Variants in IPO9 observed in about 807,000 individuals in gnomAD.
IPO9 encodes the protein importin-9.
In IPO9, 28 loss-of-function variants were observed where a neutral mutation model predicts 128.6. The observed-to-expected ratio is 0.22, with a 90% CI of 0.16 to 0.30. The LOEUF is 0.30. Ranked by LOEUF, IPO9 falls within the 10% of genes least tolerant of loss-of-function variation. IPO9 has a pLI of 1.00. For synonymous variants in IPO9, 455 were observed against 475.8 expected (o/e 0.96, Z 0.57); for missense variants, 935 against 1,293.9 (o/e 0.72, Z 4.26).
intron 19 of IPO9, among the ~76,000 whole-genome samples, chr1:201,872,608 AC>A (rs1423299997): frequency 0.016 from 2,365 of 149,786 alleles, 57 homozygotes; most frequent in African/African-American, 0.054. Flanking sequence ...TATCTCAAAA[AC>A]AACAACAACA....
chr1:201,860,789 T>C (rs1680429343), intron 13 of IPO9, among the ~76,000 whole-genome samples: 1 of 152,200 alleles, frequency 6.6e-6, no homozygotes. Flanking sequence ...ATAAAAGAAA[T>C]GGAAACATGT....
intron 1 of IPO9, among the ~76,000 whole-genome samples, chr1:201,844,742 C>T (rs1680095292): frequency 6.6e-6 from 1 of 151,846 alleles, no homozygotes; most frequent in Non-Finnish European, 1.5e-5. Flanking sequence ...AAGCCCTGAA[C>T]CTGAAACATT....
chr1:201,879,345 G>C lies in IPO9; in HGVS notation c.*3291G>C, dbSNP rs1220424877. 6.6e-6 allele frequency: 1 copy of C among 152,134 alleles called. No individual in the cohort carries two copies. Among genetic ancestry groups the C allele is most frequent in the Non-Finnish European group, 1.5e-5 (1 of 68,040 alleles). 9.4% of individuals were successfully genotyped at this position (152,134 alleles called of 1,614,324 possible). A position where few individuals can be genotyped will look rare whatever the true frequency, so the allele number is the denominator to read the frequency against. On this transcript the variant is annotated 3_prime_UTR_variant, in exon 24 of 24. Transcript: ENST00000361565. ...TTAGTCAAAGCATTAGACAGACAGA[G>C]AAGTTGGTAACTGACCACTAACTAA...
chr1:201,863,725 G>T (rs1217142132), intron 14 of IPO9, 118 bp downstream of exon 14: 8 of 932,572 alleles, frequency 8.6e-6, no homozygotes, highest in African/African-American at 1.6e-5. Flanking sequence ...TATCCTTCAG[G>T]GTGAATGTTG....
In IPO9 at chr1:201,863,605, G is replaced by A. The variant is rs1425117141; in HGVS notation, c.1626G>A (p.Trp542Ter). 6.3e-7 allele frequency: 1 copy of A among 1,584,486 alleles called. No individual in the cohort carries two copies. The highest frequency in any genetic ancestry group is 8.6e-7 in the Non-Finnish European group (1 of 1,156,182). Residue 542 changes from tryptophan to a stop codon, truncating the protein, a stop_gained and splice_region_variant, in exon 14 of 24, where the codon TGG becomes TGA. Transcript: ENST00000361565. LOFTEE classifies it high-confidence loss of function. ...SVRISAVRAI[W>*]GYCDQLKVSE... ...GAATTTCTGCAGTGAGAGCCATCTGGGGGTGAGTATGCTACCCTAGCGTGA... is the reference window on the plus strand; with the variant it reads ...GAATTTCTGCAGTGAGAGCCATCTGAGGGTGAGTATGCTACCCTAGCGTGA...
chr1:201,844,005 G>A (rs1337490897), intron 1 of IPO9, among the ~76,000 whole-genome samples: 1 of 152,040 alleles, frequency 6.6e-6, no homozygotes, highest in Non-Finnish European at 1.5e-5. Context: ...TTAATAAAGT[G>A]AAGAGAATAA....
chr1:201,843,115 C>G (rs114778412), intron 1 of IPO9, among the ~76,000 whole-genome samples: 73 of 152,300 alleles, frequency 4.8e-4, no homozygotes, highest in African/African-American at 1.7e-3. Context: ...CTAGCAAGTA[C>G]CTCTTCCTCA....
At chr1:201,847,186 T>C (rs1680137417) in intron 1 of IPO9, 93 bp from the exon 2 acceptor site, 1 of 883,904 alleles carries the variant, frequency 1.1e-6, no homozygotes, top group Non-Finnish European at 1.9e-6. Context: ...ATTAAGTTTC[T>C]TTCTGGAATC....
Position 201,858,455 on chromosome 1 carries a change from C to T in IPO9, c.1230C>T (p.Ala410=), listed in dbSNP as rs1680376055. ...CTCTTCTCTCTCTATAGGCTGTGGC[C>T]ACAGATTTCCAGAATGAAAGTGCAG... ...IAAQDLLLAV[A]TDFQNESAAA... The change falls in exon 12 of 24, where the codon GCC becomes GCT. Residue 410 remains alanine (A), a synonymous_variant. Transcript: ENST00000361565. 2 of 1,519,336 alleles carry T rather than the reference C, an allele frequency of 1.3e-6. No homozygotes were observed. Among genetic ancestry groups the T allele is most frequent in the Non-Finnish European group, 1.8e-6 (2 of 1,124,270 alleles). 94.1% of individuals were successfully genotyped at this position (1,519,336 alleles called of 1,614,324 possible). A position where few individuals can be genotyped will look rare whatever the true frequency, so the allele number is the denominator to read the frequency against.
At chr1:201,859,306 C>T (rs1680396691) in intron 13 of IPO9, among the ~76,000 whole-genome samples, 1 of 150,780 alleles carries the variant, frequency 6.6e-6, no homozygotes, top group Admixed American at 6.6e-5. Flanking sequence ...TTGTTTGCAC[C>T]CTACAGCTTG....
rs993386947 is a variant in IPO9 at position 201,868,860 on chromosome 1, C to G, written c.2004+64C>G. On this transcript the variant is annotated intron_variant, in intron 16 of 23. Coordinates refer to ENST00000361565, the MANE Select transcript of IPO9 (RefSeq NM_018085.5). ...GATCTACAAGTGCCACCCACAGATG[C>G]ATCTAGCTGACAAGAACCTAATAGC... The G allele has an allele frequency of 2.7e-6, 4 of 1,502,098 alleles. No individual in the cohort carries two copies. The Admixed American group carries it at 8.5e-5, about 32-fold the overall frequency. The allele number at this position is 1,502,098 out of a possible 1,614,324, so 93.0% of individuals were successfully genotyped here. A position where few individuals can be genotyped will look rare whatever the true frequency, so the allele number is the denominator to read the frequency against.
At chr1:201,857,007 G>A (rs1680341839) in intron 10 of IPO9, 89 bp from the exon 11 acceptor site, 2 of 886,700 alleles carry the variant, frequency 2.3e-6, no homozygotes, top group East Asian at 4.9e-5. Flanking sequence ...GTTTTTTCAG[G>A]ATAATAGGTT....
At chr1:201,839,523 T>G (rs984992903) in intron 1 of IPO9, among the ~76,000 whole-genome samples, 33 of 131,176 alleles carry the variant, frequency 2.5e-4, no homozygotes, top group African/African-American at 8.9e-4. Flanking sequence ...ATCATGACAC[T>G]GCACTCCAGC....
chr1:201,868,894 T>C (rs551733527), intron 16 of IPO9, 98 bp downstream of exon 16: 37 of 1,395,124 alleles, frequency 2.7e-5, no homozygotes, highest in Admixed American at 5.6e-5. Flanking sequence ...GCGTTAGAGA[T>C]TCATGGGGTG....
chr1:201,857,621 C>T (rs1012920095), intron 11 of IPO9, among the ~76,000 whole-genome samples: 18 of 152,158 alleles, frequency 1.2e-4, no homozygotes, highest in Admixed American at 2.6e-4. Flanking sequence ...CATGGAGAAA[C>T]CCCATCTCTA....
intron 1 of IPO9, among the ~76,000 whole-genome samples, chr1:201,843,460 A>G (rs1483849040): frequency 2.0e-5 from 3 of 152,250 alleles, no homozygotes; most frequent in Non-Finnish European, 4.4e-5. Context: ...CTTGTAAGTA[A>G]GAAGAGACTG....
intron 4 of IPO9, among the ~76,000 whole-genome samples, chr1:201,851,481 G>A (rs1008897314): frequency 6.6e-6 from 1 of 150,632 alleles, no homozygotes; most frequent in African/African-American, 2.4e-5. Flanking sequence ...TTTTTGAGAC[G>A]TGAAGGGAAA....
rs757791305 is a variant in IPO9, at chr1:201,879,836, C to T, written c.*3782C>T. ...GGTAAATCAGCTGAGATCAGGAGTT[C>T]GAGACCAGCCTGGCCAATGTGGTGA... On this transcript the variant is annotated 3_prime_UTR_variant, in exon 24 of 24. Coordinates refer to ENST00000361565, the MANE Select transcript of IPO9 (RefSeq NM_018085.5). The T allele has an allele frequency of 6.6e-6, 1 of 151,942 alleles. No homozygotes were observed. The highest frequency in any genetic ancestry group is 1.5e-5 in the Non-Finnish European group (1 of 68,012). 9.4% of individuals were successfully genotyped at this position (151,942 alleles called of 1,614,324 possible).
chr1:201,877,384 C>G lies in IPO9; in HGVS notation c.*1330C>G, dbSNP rs1485141646. 1 of 152,052 alleles carries G rather than the reference C, an allele frequency of 6.6e-6. No homozygotes were observed. Among genetic ancestry groups the G allele is most frequent in the African/African-American group, 2.4e-5 (1 of 41,380 alleles). 9.4% of individuals were successfully genotyped at this position (152,052 alleles called of 1,614,324 possible). ...GGGCATGGTGGTGCATGCCTGTAAT[C>G]CCAGTTAACTTGAGATGCTGAGGCA... On this transcript the variant is annotated 3_prime_UTR_variant, in exon 24 of 24. Coordinates refer to ENST00000361565, the MANE Select transcript of IPO9 (RefSeq NM_018085.5).
Sources: gnomAD v4.1 joint callset for allele counts (sites outside exome capture counted in the v4.1 genomes callset) on GRCh38, gnomAD v4.1.1 for gene constraint, MANE v1.5 for transcripts, NCBI Gene and HGNC (gene_info 2026-07-23, HGNC 2026-07-21) for gene names.